The following NTM variants were observed in gnomAD, a reference collection of about 807,000 sequenced individuals.
The protein encoded by NTM is IgLON family member 2.
NTM carries 13 observed loss-of-function variants against 42.1 expected under a neutral mutation model. The observed-to-expected ratio is 0.31, with a 90% CI of 0.20 to 0.49. NTM has a LOEUF of 0.49. Among genes scored for constraint, NTM ranks in the 20% least tolerant of loss-of-function variants. NTM has a pLI of 0.99. For synonymous variants in NTM, 187 were observed against 179.2 expected (o/e 1.04, Z -0.35); for missense variants, 373 against 452.8 (o/e 0.82, Z 1.60).
intron 1 of NTM, among the ~76,000 whole-genome samples, chr11:131,655,114 G>A (rs1049856485): frequency 6.6e-6 from 1 of 152,178 alleles, no homozygotes. Context: ...GAATCACTCA[G>A]AGAGTTTTTA....
intron 2 of NTM, among the ~76,000 whole-genome samples, chr11:132,070,110 C>G (rs1336898075): frequency 7.1e-6 from 1 of 140,596 alleles, no homozygotes; most frequent in Admixed American, 7.2e-5. Flanking sequence ...TCAAACTGAC[C>G]GTCACAGGTT....
intron 2 of NTM, among the ~76,000 whole-genome samples, chr11:132,098,978 T>G (rs1470422484): frequency 6.6e-6 from 1 of 152,216 alleles, no homozygotes; most frequent in Non-Finnish European, 1.5e-5. Flanking sequence ...GAGCGATAGT[T>G]TTGTCTTCTT....
At chr11:132,162,605 TG>T (rs945123401) in intron 3 of NTM, among the ~76,000 whole-genome samples, 1 of 135,146 alleles carries the variant, frequency 7.4e-6, no homozygotes, top group African/African-American at 2.8e-5. Context: ...GGGGCATGTG[TG>T]GGGGACATGT....
intron 4 of NTM, among the ~76,000 whole-genome samples, chr11:132,265,952 G>A (rs1005773524): frequency 4.6e-5 from 7 of 152,162 alleles, no homozygotes; most frequent in African/African-American, 1.4e-4. Flanking sequence ...AGGGTTCCTA[G>A]AAGACAGACA....
At chr11:131,907,646 A>T (rs1176013679) in intron 1 of NTM, among the ~76,000 whole-genome samples, 1 of 152,180 alleles carries the variant, frequency 6.6e-6, no homozygotes, top group Non-Finnish European at 1.5e-5. Context: ...AAGGAGACGG[A>T]GATGGTGGGA....
chr11:131,938,158 A>G (rs2059422921), intron 2 of NTM, among the ~76,000 whole-genome samples: 2 of 152,226 alleles, frequency 1.3e-5, no homozygotes, highest in Non-Finnish European at 2.9e-5. Context: ...TTAGTGGGAA[A>G]AGCAGATGAT....
chr11:131,587,712 C>A (rs941256639), intron 1 of NTM, among the ~76,000 whole-genome samples: 1 of 152,180 alleles, frequency 6.6e-6, no homozygotes, highest in Non-Finnish European at 1.5e-5. Flanking sequence ...ATCTTAAATG[C>A]TCCACTGCAC....
At chr11:131,393,658 G>A (rs567051269) in intron 1 of NTM, among the ~76,000 whole-genome samples, 11 of 152,222 alleles carry the variant, frequency 7.2e-5, no homozygotes, top group South Asian at 4.1e-4. Context: ...TCCCAACAGC[G>A]CAAAGACCTA....
At position 132,212,074 on chromosome 11, in the gene NTM, C is replaced by T; in HGVS notation, c.453C>T (p.Asn151=). Residue 151 remains asparagine, a synonymous_variant, in exon 4 of 9, where the codon AAC becomes AAT. Coordinates refer to ENST00000683400, the MANE Select transcript of NTM (RefSeq NM_001352005.2). ...CAGATATCTCCATTAATGAAGGGAA[C>T]AATATTAGCCTCACCTGCATAGCAA... The part of the protein sequence containing the change: ...ISSDISINEG[N]NISLTCIATG... 6.2e-7 allele frequency: 1 copy of T among 1,613,340 alleles called. No homozygotes were observed. The highest frequency in any genetic ancestry group is 1.1e-5 in the South Asian group (1 of 90,988).
intron 4 of NTM, among the ~76,000 whole-genome samples, chr11:132,280,298 C>G (rs2093919071): frequency 6.6e-6 from 1 of 152,000 alleles, no homozygotes; most frequent in Non-Finnish European, 1.5e-5. Flanking sequence ...ACATCAGTAT[C>G]CCCCACCCGA....
At chr11:131,570,981 T>A (rs751192601) in intron 1 of NTM, among the ~76,000 whole-genome samples, 7 of 152,232 alleles carry the variant, frequency 4.6e-5, no homozygotes, top group Non-Finnish European at 1.0e-4. Flanking sequence ...GAAGAGCTGA[T>A]TAAGGCAGCA....
intron 1 of NTM, among the ~76,000 whole-genome samples, chr11:131,407,249 T>G (rs2135726516): frequency 6.6e-6 from 1 of 152,302 alleles, no homozygotes; most frequent in East Asian, 1.9e-4. Context: ...TGACTCAATG[T>G]GCCTGTCATG....
intron 1 of NTM, among the ~76,000 whole-genome samples, chr11:131,844,312 A>G (rs1239666961): frequency 6.6e-6 from 1 of 151,950 alleles, no homozygotes; most frequent in African/African-American, 2.4e-5. Flanking sequence ...CTGTATTCGG[A>G]CTTTTATCGG....
At chr11:131,430,024 C>T (rs1271716559) in intron 1 of NTM, among the ~76,000 whole-genome samples, 2 of 152,284 alleles carry the variant, frequency 1.3e-5, no homozygotes, top group African/African-American at 4.8e-5. Flanking sequence ...TTAAGTTTTG[C>T]TCCAAAGCTA....
intron 1 of NTM, among the ~76,000 whole-genome samples, chr11:131,399,315 C>T (rs903508456): frequency 6.6e-6 from 1 of 152,118 alleles, no homozygotes; most frequent in Non-Finnish European, 1.5e-5. Flanking sequence ...ACTCACGATT[C>T]TGAATATTGA....
At chr11:131,981,752 T>A (rs2134918261) in intron 2 of NTM, among the ~76,000 whole-genome samples, 1 of 152,298 alleles carries the variant, frequency 6.6e-6, no homozygotes, top group Non-Finnish European at 1.5e-5. Context: ...GGCTTATGCC[T>A]GTAATCCCAG....
intron 1 of NTM, among the ~76,000 whole-genome samples, chr11:131,683,793 C>A (rs1264860384): frequency 6.6e-6 from 1 of 152,152 alleles, no homozygotes; most frequent in African/African-American, 2.4e-5. Flanking sequence ...GGAAGGTCCC[C>A]TGGGGGGCAC....
chr11:131,813,850 G>T (rs1418184709), intron 1 of NTM, among the ~76,000 whole-genome samples: 1 of 152,050 alleles, frequency 6.6e-6, no homozygotes, highest in Non-Finnish European at 1.5e-5. Context: ...CCATCTCATA[G>T]TTGTGAGGCC....
intron 1 of NTM, among the ~76,000 whole-genome samples, chr11:131,698,208 G>A (rs1395389): frequency 0.13 from 20,313 of 152,084 alleles, 1,706 homozygotes; most frequent in South Asian, 0.22. Context: ...GAGTGAAAGT[G>A]TCATTCAGTT....
Sources: allele counts gnomAD v4.1 joint callset (sites outside exome capture counted in the v4.1 genomes callset), GRCh38; gene constraint gnomAD v4.1.1; transcripts MANE v1.5; gene names NCBI Gene and HGNC (gene_info 2026-07-23, HGNC 2026-07-21).